CSRNP3: variants seen among roughly 807,000 people sequenced by gnomAD.
The protein encoded by CSRNP3 is cysteine/serine-rich nuclear protein 3.
CSRNP3 carries 12 observed loss-of-function variants against 48.0 expected under a neutral mutation model. That is an observed-to-expected ratio of 0.25 (90% CI 0.16 to 0.41). The LOEUF is 0.41. Among genes scored for constraint, CSRNP3 ranks in the 10% least tolerant of loss-of-function variants. The pLI is 1.00. For synonymous variants in CSRNP3, 263 were observed against 269.7 expected (o/e 0.98, Z 0.24); for missense variants, 580 against 724.4 (o/e 0.80, Z 2.29).
chr2:165,501,465 G>A (rs1684358512), intron 2 of CSRNP3, among the ~76,000 whole-genome samples: 1 of 152,086 alleles, frequency 6.6e-6, no homozygotes. Context: ...GTATGGAAAT[G>A]GTTGGAATTT....
chr2:165,604,516 C>T (rs1685977141), intron 4 of CSRNP3, among the ~76,000 whole-genome samples: 1 of 152,222 alleles, frequency 6.6e-6, no homozygotes, highest in Non-Finnish European at 1.5e-5. Context: ...TGTGATGTAT[C>T]AGGATCCTGA....
At chr2:165,584,244 A>G (rs1259626938) in intron 3 of CSRNP3, among the ~76,000 whole-genome samples, 1 of 152,122 alleles carries the variant, frequency 6.6e-6, no homozygotes, top group Non-Finnish European at 1.5e-5. Context: ...AACTGTAAAC[A>G]CCTAGAGGCT....
At chr2:165,644,036 T>G (rs538748788) in intron 4 of CSRNP3, among the ~76,000 whole-genome samples, 2 of 152,322 alleles carry the variant, frequency 1.3e-5, no homozygotes, top group South Asian at 4.1e-4. Context: ...TAGTGATACA[T>G]TATCAGCAGG....
intron 2 of CSRNP3, among the ~76,000 whole-genome samples, chr2:165,509,626 A>G (rs1384363611): frequency 6.6e-6 from 1 of 152,222 alleles, no homozygotes; most frequent in Non-Finnish European, 1.5e-5. Flanking sequence ...AAATAATGTT[A>G]GAGTTTTGAA....
chr2:165,615,839 A>C (rs1262482830), intron 4 of CSRNP3, among the ~76,000 whole-genome samples: 1 of 150,632 alleles, frequency 6.6e-6, no homozygotes, highest in East Asian at 1.9e-4. Flanking sequence ...GGTTCCTGAG[A>C]ATATGGCACT....
intron 4 of CSRNP3, among the ~76,000 whole-genome samples, chr2:165,613,122 A>T (rs544946218): frequency 2.6e-5 from 4 of 152,138 alleles, no homozygotes; most frequent in African/African-American, 9.6e-5. Flanking sequence ...TTCTAGTTGG[A>T]GTGACATGAT....
intron 2 of CSRNP3, among the ~76,000 whole-genome samples, chr2:165,507,286 G>A (rs1254617259): frequency 6.6e-6 from 1 of 152,014 alleles, no homozygotes; most frequent in African/African-American, 2.4e-5. Context: ...GAAATGAAGA[G>A]ACTGATGTTA....
chr2:165,570,493 C>G (rs765665849), intron 3 of CSRNP3, among the ~76,000 whole-genome samples: 2 of 151,618 alleles, frequency 1.3e-5, no homozygotes, highest in African/African-American at 4.8e-5. Flanking sequence ...CTCTTGTTCT[C>G]CCACTCTCAC....
At chr2:165,563,265 C>G (rs188932775) in intron 3 of CSRNP3, among the ~76,000 whole-genome samples, 1 of 152,086 alleles carries the variant, frequency 6.6e-6, no homozygotes. Flanking sequence ...AATAGTCAGA[C>G]AAAATTGAAA....
chr2:165,489,115 A>C (rs1684164662), intron 1 of CSRNP3, among the ~76,000 whole-genome samples: 1 of 149,710 alleles, frequency 6.7e-6, no homozygotes, highest in Admixed American at 6.7e-5. Flanking sequence ...TAAAGGGGAT[A>C]TCACCACTGA....
intron 3 of CSRNP3, among the ~76,000 whole-genome samples, chr2:165,568,266 A>G (rs553832627): frequency 9.2e-5 from 14 of 151,982 alleles, no homozygotes; most frequent in African/African-American, 3.4e-4. Context: ...CATACCTCTT[A>G]TCTTATCCCC....
At chr2:165,653,683 C>T (rs1686952252) in intron 4 of CSRNP3, among the ~76,000 whole-genome samples, 1 of 151,758 alleles carries the variant, frequency 6.6e-6, no homozygotes, top group Admixed American at 6.6e-5. Flanking sequence ...CTAAAATTAC[C>T]AGAGGTGGCT....
chr2:165,624,220 TA>T (rs1221913527), intron 4 of CSRNP3, among the ~76,000 whole-genome samples: 4 of 152,180 alleles, frequency 2.6e-5, no homozygotes, highest in African/African-American at 7.2e-5. Context: ...TATTTTTATT[TA>T]TTTTAAGCTT....
intron 1 of CSRNP3, among the ~76,000 whole-genome samples, chr2:165,493,545 A>T (rs1026681789): frequency 6.6e-6 from 1 of 152,114 alleles, no homozygotes; most frequent in Non-Finnish European, 1.5e-5. Context: ...TGCTCCTTTG[A>T]CTGTGTAAAC....
intron 5 of CSRNP3, among the ~76,000 whole-genome samples, chr2:165,675,916 T>A (rs142493281): frequency 2.0e-5 from 3 of 152,330 alleles, no homozygotes; most frequent in Admixed American, 1.3e-4. Flanking sequence ...TCCACAAGGA[T>A]GCTATTATCT....
intron 4 of CSRNP3, among the ~76,000 whole-genome samples, chr2:165,656,766 A>G (rs898487546): frequency 1.2e-4 from 18 of 152,258 alleles, no homozygotes; most frequent in African/African-American, 3.6e-4. Context: ...AATTTTCTAA[A>G]ATTTGTTGAC....
At chr2:165,569,297 A>C (rs1423363577) in intron 3 of CSRNP3, among the ~76,000 whole-genome samples, 2 of 152,130 alleles carry the variant, frequency 1.3e-5, no homozygotes, top group African/African-American at 2.4e-5. Context: ...CATACCAGTT[A>C]ATATGGTTCC....
Position 165,506,920 on chromosome 2 carries a change from T to C in CSRNP3, c.-112-10953T>C, listed in dbSNP as rs146488505. Among the ~76,000 whole-genome samples, 106 of 152,038 alleles carry C rather than the reference T, an allele frequency of 7.0e-4. 1 individual carries two copies. The highest frequency in any genetic ancestry group is 3.4e-3 in the Middle Eastern group (1 of 292). On this transcript the variant is annotated intron_variant, in intron 2 of 6. Coordinates refer to ENST00000651982, the MANE Select transcript of CSRNP3 (RefSeq NM_001172173.2). ...AGAAAGGAGACATGGAATATATTAC[T>C]AGAAAAAATAGGAGGAAGAAAAATG...
Position 165,687,580 on chromosome 2 carries a change from A to T in CSRNP3, c.*7827A>T, listed in dbSNP as rs1372945938. On this transcript the variant is annotated 3_prime_UTR_variant, in exon 7 of 7. Transcript: ENST00000651982. The stretch of plus-strand genomic sequence containing the variant: ...AGTTTTTCCACTCCTCCTGTGGGAG[A>T]TAGGAATAGTTGTGAAGAGTCTGAT... The T allele has an allele frequency of 6.6e-6, 1 of 152,006 alleles. No homozygotes were observed. Among genetic ancestry groups the T allele is most frequent in the Non-Finnish European group, 1.5e-5 (1 of 67,996 alleles). 9.4% of individuals were successfully genotyped at this position (152,006 alleles called of 1,614,324 possible). A position where few individuals can be genotyped will look rare whatever the true frequency, so the allele number is the denominator to read the frequency against.
Sources: allele counts gnomAD v4.1 joint callset (sites outside exome capture counted in the v4.1 genomes callset), GRCh38; gene constraint gnomAD v4.1.1; transcripts MANE v1.5; gene names NCBI Gene and HGNC (gene_info 2026-07-23, HGNC 2026-07-21).